Variants in FAF1 observed in about 807,000 individuals in gnomAD.
FAF1 encodes the protein FAS-associated factor 1.
Under a neutral mutation model 92.5 loss-of-function variants are expected in FAF1, and 25 were observed. That is an observed-to-expected ratio of 0.27 (90% CI 0.20 to 0.38). The LOEUF (loss-of-function observed/expected upper bound fraction) is 0.38. Ranked by LOEUF, FAF1 falls within the 10% of genes least tolerant of loss-of-function variation. FAF1 has a pLI of 1.00. For synonymous variants in FAF1, 234 were observed against 273.2 expected, an observed-to-expected ratio of 0.86 and a Z score of 1.42; for missense variants, 636 against 793.3, an observed-to-expected ratio of 0.80 and a Z score of 2.38.
intron 8 of FAF1, among the ~76,000 whole-genome samples, chr1:50,631,921 G>A (rs1653807741): frequency 6.6e-6 from 1 of 152,144 alleles, no homozygotes; most frequent in East Asian, 1.9e-4. Context: ...TAAAATGATT[G>A]TCCTGTTTTA....
chr1:50,821,205 TA>T (rs938024202), intron 2 of FAF1, among the ~76,000 whole-genome samples: 11 of 152,076 alleles, frequency 7.2e-5, no homozygotes, highest in Non-Finnish European at 1.5e-4. Context: ...TATGCAACTT[TA>T]AAAAAAATCT....
At chr1:50,827,165 G>A (rs761353577) in intron 2 of FAF1, among the ~76,000 whole-genome samples, 26 of 152,168 alleles carry the variant, frequency 1.7e-4, no homozygotes, top group Non-Finnish European at 1.6e-4. Flanking sequence ...CCATGATGAC[G>A]ATGGCGGTTT....
At chr1:50,549,581 C>T (rs1462140773) in intron 13 of FAF1, among the ~76,000 whole-genome samples, 1 of 151,986 alleles carries the variant, frequency 6.6e-6, no homozygotes, top group African/African-American at 2.4e-5. Context: ...TCAAGACCAG[C>T]CTGGCCAACA....
Position 50,857,955 on chromosome 1 carries a change from G to C in FAF1, c.88C>G (p.Leu30Val). 1 of 1,600,324 alleles carries C rather than the reference G, an allele frequency of 6.2e-7. No homozygotes were observed. The highest frequency in any genetic ancestry group is 8.5e-7 in the Non-Finnish European group (1 of 1,173,182). The change falls in exon 2 of 19, where the codon CTT (leucine) becomes GTT (valine). Residue 30 changes from leucine to valine, a missense_variant. Physicochemically the swap from Leu to Val is conservative, Grantham distance 32 (BLOSUM62 1). This residue lies in a region of FAF1 where 317 missense variants were observed against 342.4 expected (regional missense o/e 0.93). Transcript: ENST00000396153. The part of the protein sequence containing the change: ...IENIDEAITL[L>V]EQNNWDLVAA... ...ACTAAGTCCCAATTATTTTGTTCAA[G>C]CAATGTAATAGCTTCGTCAATGTTT...
intron 8 of FAF1, among the ~76,000 whole-genome samples, chr1:50,616,796 T>A (rs1335187843): frequency 6.6e-6 from 1 of 151,934 alleles, no homozygotes; most frequent in Non-Finnish European, 1.5e-5. Context: ...TTCTTGTGCC[T>A]CAGTCTCCTG....
intron 13 of FAF1, among the ~76,000 whole-genome samples, chr1:50,547,368 G>C (rs1238613083): frequency 6.6e-6 from 1 of 151,958 alleles, no homozygotes; most frequent in Non-Finnish European, 1.5e-5. Context: ...ATAGTAAACT[G>C]TTAAATTATC....
rs534310336 is a variant in FAF1 at position 50,470,916 on chromosome 1, T to A, written c.1869+4548A>T. The stretch of plus-strand genomic sequence containing the variant: ...TAAAATTAACTTCCTTTATAATACT[T>A]TCCGTTATCACAGCCTGCTGAAATT... On this transcript the variant is annotated intron_variant, in intron 18 of 18. Transcript: ENST00000396153. The A allele has an allele frequency of 2.0e-5, 3 of 152,364 alleles. No individual in the cohort carries two copies. In the South Asian group the frequency reaches 6.2e-4, roughly 32 times the overall value. The allele number at this position is 152,364 out of a possible 1,614,324, so 9.4% of individuals were successfully genotyped here.
At chr1:50,767,590 C>A (rs1660624469) in intron 4 of FAF1, among the ~76,000 whole-genome samples, 2 of 152,130 alleles carry the variant, frequency 1.3e-5, no homozygotes, top group Admixed American at 1.3e-4. Context: ...ACAAAGGGAA[C>A]CCCACAGACT....
chr1:50,461,686 T>A (rs145978489), intron 18 of FAF1, among the ~76,000 whole-genome samples: 74 of 152,222 alleles, frequency 4.9e-4, no homozygotes, highest in South Asian at 6.2e-4. Context: ...TATTTCCAAT[T>A]ATGAAAGAAA....
At chr1:50,775,030 T>C (rs1379491976) in intron 4 of FAF1, among the ~76,000 whole-genome samples, 2 of 152,108 alleles carry the variant, frequency 1.3e-5, no homozygotes, top group Non-Finnish European at 2.9e-5. Flanking sequence ...TTCCTGGTAA[T>C]AACGTGGAAA....
intron 8 of FAF1, among the ~76,000 whole-genome samples, chr1:50,599,893 T>A (rs1169871471): frequency 1.3e-5 from 2 of 152,164 alleles, no homozygotes; most frequent in African/African-American, 4.8e-5. Flanking sequence ...GTTTTGGGTT[T>A]TGGAATATTG....
intron 1 of FAF1, among the ~76,000 whole-genome samples, chr1:50,942,413 T>C (rs1233610364): frequency 7.9e-5 from 12 of 151,688 alleles, no homozygotes; most frequent in Admixed American, 7.9e-4. Flanking sequence ...CCACATCACA[T>C]GTAAACTTTG....
intron 1 of FAF1, among the ~76,000 whole-genome samples, chr1:50,882,652 GTA>G (rs1281542287): frequency 1.4e-5 from 2 of 147,964 alleles, no homozygotes; most frequent in Non-Finnish European, 3.0e-5. Flanking sequence ...AAATAAATGT[GTA>G]TGTATGTATG....
chr1:50,892,359 A>G (rs866079064), intron 1 of FAF1, among the ~76,000 whole-genome samples: 41 of 152,216 alleles, frequency 2.7e-4, no homozygotes, highest in African/African-American at 9.9e-4. Flanking sequence ...CGCTGCACCC[A>G]CTGTCCGACA....
intron 1 of FAF1, among the ~76,000 whole-genome samples, chr1:50,889,917 T>C (rs1477148817): frequency 6.6e-6 from 1 of 152,254 alleles, no homozygotes; most frequent in Non-Finnish European, 1.5e-5. Context: ...TCCTGAATAT[T>C]CTTGCTAACT....
intron 8 of FAF1, among the ~76,000 whole-genome samples, chr1:50,633,809 G>A (rs1487499097): frequency 2.0e-5 from 3 of 152,102 alleles, no homozygotes; most frequent in Non-Finnish European, 4.4e-5. Context: ...TCAAACCCCC[G>A]TGAGGTTTGA....
chr1:50,600,421 G>A lies in FAF1; in HGVS notation c.745-4205C>T, dbSNP rs943090633. Among the ~76,000 whole-genome samples, 3 of 152,120 alleles carry A rather than the reference G, an allele frequency of 2.0e-5. No individual in the cohort carries two copies. The South Asian group carries it at 6.2e-4, about 31-fold the overall frequency. On this transcript the variant is annotated intron_variant, in intron 8 of 18. Transcript: ENST00000396153. The stretch of plus-strand genomic sequence containing the variant: ...GTGAGGCAGACCAATGTATCTTACT[G>A]TGACAAAGTATTAATACAAAATGTA...
Position 50,747,822 on chromosome 1 carries a change from G to A in FAF1, c.368-3047C>T, listed in dbSNP as rs186959447. On this transcript the variant is annotated intron_variant, in intron 4 of 18. Transcript: ENST00000396153. Reference sequence around the variant, plus strand: ...GATTTCCCCCTCTGGTGCTGTTCTTGTGATACAGTTCTCGTGAGATCTGGG... The same window carrying A: ...GATTTCCCCCTCTGGTGCTGTTCTTATGATACAGTTCTCGTGAGATCTGGG... 4.6e-5 allele frequency among the ~76,000 whole-genome samples: 7 copies of A among 152,264 alleles called. No homozygotes were observed. The East Asian group carries it at 9.6e-4, about 21-fold the overall frequency.
chr1:50,585,373 T>C (rs1006526208), intron 9 of FAF1, among the ~76,000 whole-genome samples: 1 of 152,072 alleles, frequency 6.6e-6, no homozygotes, highest in African/African-American at 2.4e-5. Flanking sequence ...GTTTTACATA[T>C]GAGTTGTAAT....
Sources: allele counts gnomAD v4.1 joint callset (sites outside exome capture counted in the v4.1 genomes callset), GRCh38; gene constraint gnomAD v4.1.1; regional missense constraint gnomAD v4.1.1; transcripts MANE v1.5; gene names NCBI Gene and HGNC (gene_info 2026-07-23, HGNC 2026-07-21).